Variants in CHSY1 observed in about 807,000 individuals in gnomAD.
CHSY1 encodes N-acetylgalactosaminyl-proteoglycan 3-beta-glucuronosyltransferase 1.
Under a neutral mutation model 59.8 loss-of-function variants are expected in CHSY1, and 13 were observed. The observed-to-expected ratio is 0.22, with a 90% CI of 0.14 to 0.35. The LOEUF is 0.35. Among genes scored for constraint, CHSY1 ranks in the 10% least tolerant of loss-of-function variants. The probability of loss-of-function intolerance (pLI) is 1.00; values close to 1 mark genes in which losing one functional copy is unlikely to be tolerated. For synonymous variants in CHSY1, 459 were observed against 401.2 expected (o/e 1.14, Z -1.72); for missense variants, 947 against 1,030.6 (o/e 0.92, Z 1.11).
intron 2 of CHSY1, among the ~76,000 whole-genome samples, chr15:101,224,641 T>C (rs1198047859): frequency 1.3e-5 from 2 of 152,218 alleles, no homozygotes; most frequent in Non-Finnish European, 1.5e-5. Context: ...AGGGATTCTC[T>C]TGCAGACGGT....
At chr15:101,218,844 G>C (rs2038761039) in intron 2 of CHSY1, among the ~76,000 whole-genome samples, 1 of 152,092 alleles carries the variant, frequency 6.6e-6, no homozygotes, top group African/African-American at 2.4e-5. Context: ...ACCAAATGAA[G>C]AAATGTAAGA....
intron 2 of CHSY1, among the ~76,000 whole-genome samples, chr15:101,181,451 AAC>A (rs2038277647): frequency 6.6e-6 from 1 of 152,256 alleles, no homozygotes; most frequent in South Asian, 2.1e-4. Flanking sequence ...CAAGAGTGTA[AAC>A]ACACATTAAT....
intron 2 of CHSY1, among the ~76,000 whole-genome samples, chr15:101,212,368 G>A (rs141633791): frequency 2.4e-4 from 37 of 152,250 alleles, no homozygotes; most frequent in Admixed American, 2.4e-3. Flanking sequence ...TTGTTCAAGA[G>A]TAGTCAAAGC....
chr15:101,247,466 C>T (rs2039063180), intron 1 of CHSY1, among the ~76,000 whole-genome samples: 1 of 152,124 alleles, frequency 6.6e-6, no homozygotes, highest in Non-Finnish European at 1.5e-5. Flanking sequence ...TTAGTGTCGT[C>T]CCTCTGACTA....
intron 2 of CHSY1, among the ~76,000 whole-genome samples, chr15:101,214,927 C>T (rs544704641): frequency 6.6e-6 from 1 of 152,144 alleles, no homozygotes; most frequent in African/African-American, 2.4e-5. Flanking sequence ...TAAGGTTTAG[C>T]ACCTCCCCTT....
At chr15:101,180,479 T>C (rs1319271475) in intron 2 of CHSY1, among the ~76,000 whole-genome samples, 1 of 152,194 alleles carries the variant, frequency 6.6e-6, no homozygotes, top group Non-Finnish European at 1.5e-5. Flanking sequence ...TGAGGTTTTC[T>C]GTGGGGGTAG....
intron 2 of CHSY1, among the ~76,000 whole-genome samples, chr15:101,192,666 C>T (rs1029097796): frequency 6.6e-6 from 1 of 152,252 alleles, no homozygotes; most frequent in Non-Finnish European, 1.5e-5. Context: ...ACGCCTCCCT[C>T]GTGGCTCCAC....
At chr15:101,250,717 C>T (rs1000224850) in intron 1 of CHSY1, among the ~76,000 whole-genome samples, 2 of 152,226 alleles carry the variant, frequency 1.3e-5, no homozygotes, top group African/African-American at 4.8e-5. Context: ...CGGGCTCCAG[C>T]TTTGCAAGGA....
intron 2 of CHSY1, among the ~76,000 whole-genome samples, chr15:101,213,106 C>A (rs2038697929): frequency 6.6e-6 from 1 of 151,858 alleles, no homozygotes; most frequent in South Asian, 2.1e-4. Context: ...AGGAAGAAAT[C>A]CAGATGGAAG....
intron 1 of CHSY1, chr15:101,242,701 C>T (rs927729704): frequency 2.0e-5 from 3 of 152,364 alleles, no homozygotes; most frequent in Admixed American, 6.5e-5. Context: ...TCTCCTCGGC[C>T]GGAAGGAATC....
At chr15:101,240,491 A>G (rs1329647553) in intron 1 of CHSY1, among the ~76,000 whole-genome samples, 2 of 152,228 alleles carry the variant, frequency 1.3e-5, no homozygotes, top group African/African-American at 2.4e-5. Flanking sequence ...CTTGCCAGAA[A>G]AAGCTCATTT....
intron 1 of CHSY1, among the ~76,000 whole-genome samples, chr15:101,249,148 G>A (rs1042506258): frequency 1.3e-5 from 2 of 151,870 alleles, no homozygotes; most frequent in African/African-American, 2.4e-5. Context: ...GCCCCCCACT[G>A]ATTTGAATAT....
chr15:101,177,201 GA>G lies in CHSY1; in HGVS notation c.*186del, dbSNP rs2038202203. On this transcript the variant is annotated 3_prime_UTR_variant, in exon 3 of 3. Coordinates refer to ENST00000254190, the MANE Select transcript of CHSY1 (RefSeq NM_014918.5). ...AGGTCTGCTACATAATGTTCAGCAA[GA>G]AGATGTGTTCAAAGGCAAACACTGA... The G allele has an allele frequency of 1.8e-6, 1 of 552,854 alleles. No homozygotes were observed. Among genetic ancestry groups the G allele is most frequent in the African/African-American group, 1.9e-5 (1 of 52,738 alleles). The allele number at this position is 552,854 out of a possible 1,614,324, so 34.2% of individuals were successfully genotyped here. A position where few individuals can be genotyped will look rare whatever the true frequency, so the allele number is the denominator to read the frequency against.
chr15:101,243,606 C>T (rs146600779), intron 1 of CHSY1, among the ~76,000 whole-genome samples: 4 of 152,224 alleles, frequency 2.6e-5, no homozygotes, highest in African/African-American at 9.6e-5. Context: ...TCCAGGCTCA[C>T]GGACACTGCT....
Position 101,251,907 on chromosome 15 carries a change from C to A in CHSY1, c.-451G>T. 1 of 151,366 alleles carries A rather than the reference C, an allele frequency of 6.6e-6. No individual in the cohort carries two copies. The highest frequency in any genetic ancestry group is 1.5e-5 in the Non-Finnish European group (1 of 67,886). The allele number at this position is 151,366 out of a possible 1,614,324, so 9.4% of individuals were successfully genotyped here. On this transcript the variant is annotated 5_prime_UTR_variant, in exon 1 of 3. Coordinates refer to ENST00000254190, the MANE Select transcript of CHSY1 (RefSeq NM_014918.5). Reference sequence around the variant, plus strand: ...TTCGTAGCCGGCGCCGCCGCCGCAGCTGCACATCCTCCGGCTTAGCTCGCC... The same window carrying A: ...TTCGTAGCCGGCGCCGCCGCCGCAGATGCACATCCTCCGGCTTAGCTCGCC...
intron 2 of CHSY1, among the ~76,000 whole-genome samples, chr15:101,184,235 G>C (rs540293492): frequency 6.6e-6 from 1 of 152,306 alleles, no homozygotes; most frequent in East Asian, 1.9e-4. Context: ...TGTGTGCTAA[G>C]GGGGTGAACA....
At chr15:101,234,201 CACG>C (rs1389194305) in intron 2 of CHSY1, among the ~76,000 whole-genome samples, 1 of 152,218 alleles carries the variant, frequency 6.6e-6, no homozygotes, top group Non-Finnish European at 1.5e-5. Context: ...TCAGAAGTTG[CACG>C]ACAACTATTC....
At chr15:101,192,649 G>T (rs1010404385) in intron 2 of CHSY1, among the ~76,000 whole-genome samples, 49 of 152,298 alleles carry the variant, frequency 3.2e-4, no homozygotes, top group African/African-American at 1.2e-3. Flanking sequence ...AGAATTCAGA[G>T]TTCTAAACGC....
intron 2 of CHSY1, among the ~76,000 whole-genome samples, chr15:101,229,581 T>C (rs2038872894): frequency 6.6e-6 from 1 of 151,924 alleles, no homozygotes; most frequent in Non-Finnish European, 1.5e-5. Context: ...CTGACAGAAC[T>C]GAAGGAAGAA....
Sources: allele counts gnomAD v4.1 joint callset (sites outside exome capture counted in the v4.1 genomes callset), GRCh38; gene constraint gnomAD v4.1.1; transcripts MANE v1.5; gene names NCBI Gene and HGNC (gene_info 2026-07-23, HGNC 2026-07-21).